CRACDL: variants seen among roughly 807,000 people sequenced by gnomAD.
CRACDL encodes the protein CRACD-like protein.
Under a neutral mutation model 70.6 loss-of-function variants are expected in CRACDL, and 26 were observed. The observed-to-expected ratio is 0.37, with a 90% confidence interval of 0.27 to 0.51. The LOEUF is 0.51. Ranked by LOEUF, CRACDL falls within the 20% of genes least tolerant of loss-of-function variation. The pLI is 0.94. For synonymous variants in CRACDL, 618 were observed against 615.2 expected (o/e 1.00, Z -0.07); for missense variants, 1,283 against 1,376.9 (o/e 0.93, Z 1.08).
intron 1 of CRACDL, among the ~76,000 whole-genome samples, chr2:98,855,305 C>A (rs536917710): frequency 4.0e-5 from 6 of 151,290 alleles, no homozygotes; most frequent in African/African-American, 9.7e-5. Context: ...AAAAAAAGTT[C>A]TTGTTCTTTG....
At chr2:98,890,153 G>T (rs887900934) in intron 1 of CRACDL, among the ~76,000 whole-genome samples, 2 of 151,982 alleles carry the variant, frequency 1.3e-5, no homozygotes, top group South Asian at 2.1e-4. Context: ...CAATAATAAA[G>T]ATTAGAGAAG....
intron 1 of CRACDL, among the ~76,000 whole-genome samples, chr2:98,870,956 C>T (rs960067939): frequency 1.3e-5 from 2 of 152,246 alleles, no homozygotes; most frequent in African/African-American, 4.8e-5. Flanking sequence ...GCTGTCACAT[C>T]GTGTGAATGC....
intron 5 of CRACDL, 52 bp downstream of exon 5, chr2:98,832,296 C>A: frequency 6.2e-7 from 1 of 1,601,128 alleles, no homozygotes. Context: ...AGCTCCAGCA[C>A]CCTCCAGGGC....
intron 1 of CRACDL, among the ~76,000 whole-genome samples, chr2:98,909,667 A>T (rs1266963039): frequency 6.6e-6 from 1 of 152,220 alleles, no homozygotes; most frequent in Non-Finnish European, 1.5e-5. Flanking sequence ...CCTGACACCC[A>T]GACCAGCTGG....
intron 1 of CRACDL, among the ~76,000 whole-genome samples, chr2:98,847,239 G>C (rs184861865): frequency 2.2e-4 from 33 of 152,086 alleles, no homozygotes; most frequent in Non-Finnish European, 3.7e-4. Flanking sequence ...AATTTTTTAC[G>C]CAAATATTTT....
rs35180684 is a variant in CRACDL at position 98,837,084 on chromosome 2, CAAA to C, written c.239+1032_239+1034del. Among the ~76,000 whole-genome samples, 327 of 118,628 alleles carry C rather than the reference CAAA, an allele frequency of 2.8e-3. 3 individuals are homozygous for C. The highest frequency in any genetic ancestry group is 9.2e-3 in the African/African-American group (299 of 32,600). 77.8% of individuals were successfully genotyped at this position (118,628 alleles called of 152,430 possible). ...TGGGCGACAGAGCGAGACTCCGTCT[CAAA>C]AAAAAAAAAAAAATGCATGCACAGT... is the stretch of plus-strand genomic sequence containing the variant. On this transcript the variant is annotated intron_variant, in intron 3 of 9. Coordinates refer to ENST00000397899, the MANE Select transcript of CRACDL (RefSeq NM_207362.3).
At chr2:98,807,418 G>A (rs751082857) in intron 7 of CRACDL, among the ~76,000 whole-genome samples, 6 of 152,182 alleles carry the variant, frequency 3.9e-5, no homozygotes, top group Non-Finnish European at 4.4e-5. Context: ...GATGCTCAGC[G>A]TCTCTACCTG....
intron 1 of CRACDL, among the ~76,000 whole-genome samples, chr2:98,853,268 C>A (rs1706556920): frequency 6.6e-6 from 1 of 152,000 alleles, no homozygotes; most frequent in African/African-American, 2.4e-5. Context: ...AATGACACAT[C>A]ATAAACAGGC....
At chr2:98,797,677 CTTTG>C in intron 7 of CRACDL, 140 bp from the exon 8 acceptor site, 1 of 702,670 alleles carries the variant, frequency 1.4e-6, no homozygotes, top group Non-Finnish European at 2.3e-6. Flanking sequence ...TCTTTAGGGG[CTTTG>C]TTTTCTTATT....
intron 2 of CRACDL, among the ~76,000 whole-genome samples, chr2:98,842,042 C>A (rs1706052353): frequency 6.6e-6 from 1 of 151,920 alleles, no homozygotes; most frequent in Non-Finnish European, 1.5e-5. Flanking sequence ...TTTGATTTAT[C>A]CTTCTTGGGA....
At chr2:98,795,077 A>ATATATATATATTTTTTTT in intron 9 of CRACDL, among the ~76,000 whole-genome samples, 16 of 58,460 alleles carry the variant, frequency 2.7e-4, no homozygotes, top group Non-Finnish European at 4.1e-4. Flanking sequence ...ATATATATAT[A>ATATATATATATTTTTTTT]TTTTTTTTTT....
chr2:98,908,097 C>T (rs1708459466), intron 1 of CRACDL, among the ~76,000 whole-genome samples: 1 of 152,218 alleles, frequency 6.6e-6, no homozygotes, highest in African/African-American at 2.4e-5. Context: ...GAGGATCTCA[C>T]CTCATGGTTT....
intron 2 of CRACDL, among the ~76,000 whole-genome samples, chr2:98,840,491 A>T (rs1705979399): frequency 6.6e-6 from 1 of 152,172 alleles, no homozygotes; most frequent in Non-Finnish European, 1.5e-5. Flanking sequence ...TACATATGTC[A>T]ATTAGAACAA....
chr2:98,900,818 C>T (rs1359596618), intron 1 of CRACDL, among the ~76,000 whole-genome samples: 4 of 152,142 alleles, frequency 2.6e-5, no homozygotes, highest in Non-Finnish European at 4.4e-5. Context: ...AGAAATCTGG[C>T]CACTCCACTC....
chr2:98,826,316 C>G (rs1414139906), intron 6 of CRACDL, among the ~76,000 whole-genome samples: 6 of 152,236 alleles, frequency 3.9e-5, no homozygotes, highest in Non-Finnish European at 2.9e-5. Context: ...CTTTCATTCA[C>G]TCATTTGTTA....
At chr2:98,879,602 G>A (rs1707582251) in intron 1 of CRACDL, among the ~76,000 whole-genome samples, 1 of 152,182 alleles carries the variant, frequency 6.6e-6, no homozygotes, top group African/African-American at 2.4e-5. Context: ...AGGCTGGAGT[G>A]CAGTGGCGCA....
chr2:98,870,537 A>G (rs540843639), intron 1 of CRACDL, among the ~76,000 whole-genome samples: 3 of 152,092 alleles, frequency 2.0e-5, no homozygotes, highest in African/African-American at 4.8e-5. Flanking sequence ...GAGAGGGCCA[A>G]TTAGCTGGTG....
intron 7 of CRACDL, among the ~76,000 whole-genome samples, chr2:98,810,527 G>A (rs1201995707): frequency 1.3e-5 from 2 of 152,114 alleles, no homozygotes; most frequent in African/African-American, 4.8e-5. Flanking sequence ...GGACGTGGGA[G>A]GATAAAGACG....
chr2:98,848,585 C>A (rs1706354459), intron 1 of CRACDL, among the ~76,000 whole-genome samples: 1 of 152,176 alleles, frequency 6.6e-6, no homozygotes, highest in African/African-American at 2.4e-5. Flanking sequence ...ATGCAGCTAT[C>A]ACCTGAATTA....
Sources: gnomAD v4.1 joint callset for allele counts (sites outside exome capture counted in the v4.1 genomes callset) on GRCh38, gnomAD v4.1.1 for gene constraint, MANE v1.5 for transcripts, NCBI Gene and HGNC (gene_info 2026-07-23, HGNC 2026-07-21) for gene names.